The following TTC33 variants were observed in gnomAD, a reference collection of about 807,000 sequenced individuals.
TTC33 encodes tetratricopeptide repeat domain 33.
Under a neutral mutation model 29.4 loss-of-function variants are expected in TTC33, and 24 were observed. The observed-to-expected ratio is 0.82, with a 90% CI of 0.59 to 1.15. TTC33 has a LOEUF of 1.15. Among genes scored for constraint, TTC33 ranks in the 50% most tolerant of loss-of-function variants. The pLI is 0.00. For missense variants in TTC33, 286 were observed against 310.4 expected, an observed-to-expected ratio of 0.92 and a Z score of 0.59; for synonymous variants, 107 against 100.3, an observed-to-expected ratio of 1.07 and a Z score of -0.40.
rs369956548 is a variant in TTC33, at chr5:40,746,819, G to C, written c.200C>G (p.Ala67Gly). Reference sequence around the variant, plus strand: ...ATACCTTTTATTTTCAGCCAAACTGGCTCCTTCATCCTTCAGCTGTTTACT... The same window carrying C: ...ATACCTTTTATTTTCAGCCAAACTGCCTCCTTCATCCTTCAGCTGTTTACT... The part of the protein sequence containing the change: ...EKSKQLKDEG[A>G]SLAENKRYRE... The change falls in exon 2 of 5, where the codon GCC (alanine) becomes GGC (glycine). Residue 67 changes from alanine (A) to glycine (G), a missense_variant. Transcript: ENST00000337702. 2.0e-5 allele frequency: 32 copies of C among 1,610,824 alleles called. No homozygotes were observed. Among genetic ancestry groups the C allele is most frequent in the Non-Finnish European group, 2.6e-5 (31 of 1,179,102 alleles).
intron 2 of TTC33, among the ~76,000 whole-genome samples, chr5:40,734,872 A>G (rs1742510427): frequency 6.6e-6 from 1 of 152,214 alleles, no homozygotes; most frequent in African/African-American, 2.4e-5. Flanking sequence ...CAGTTAAAAT[A>G]TAAGTGCCGT....
intron 1 of TTC33, among the ~76,000 whole-genome samples, chr5:40,749,249 C>G (rs1742852468): frequency 6.6e-6 from 1 of 152,110 alleles, no homozygotes; most frequent in Non-Finnish European, 1.5e-5. Context: ...AAGAGATTAA[C>G]TGAGGGATCC....
At chr5:40,747,224 AT>A (rs1443572375) in intron 1 of TTC33, among the ~76,000 whole-genome samples, 2 of 151,970 alleles carry the variant, frequency 1.3e-5, no homozygotes, top group East Asian at 3.9e-4. Flanking sequence ...ACACCGGCTA[AT>A]TTTTGTATTT....
chr5:40,733,592 A>G (rs249414), intron 2 of TTC33, among the ~76,000 whole-genome samples: 101,978 of 152,006 alleles, frequency 0.67, 34,367 homozygotes, highest in East Asian at 0.8. Context: ...GGAAGTTATC[A>G]CCCCATAGAA....
At chr5:40,748,938 C>G (rs1480332429) in intron 1 of TTC33, among the ~76,000 whole-genome samples, 1 of 152,054 alleles carries the variant, frequency 6.6e-6, no homozygotes, top group African/African-American at 2.4e-5. Context: ...AGTTTAAGAC[C>G]AGCCTGGCCA....
At position 40,730,261 on chromosome 5, in the gene TTC33, C is replaced by T; in HGVS notation, c.303+1G>A. 6.3e-7 allele frequency: 1 copy of T among 1,592,804 alleles called. No individual in the cohort carries two copies. Among genetic ancestry groups the T allele is most frequent in the Non-Finnish European group, 8.6e-7 (1 of 1,166,246 alleles). The stretch of plus-strand genomic sequence containing the variant: ...AAAGTGAAATTCTTCATAATTATTA[C>T]CTGTGATTTCATCTCGTATAGGGTA... On this transcript the variant is annotated splice_donor_variant, in intron 3 of 4. Transcript: ENST00000337702. LOFTEE classifies it high-confidence loss of function.
At chr5:40,731,847 G>A (rs1579679980) in intron 2 of TTC33, among the ~76,000 whole-genome samples, 1 of 152,208 alleles carries the variant, frequency 6.6e-6, no homozygotes, top group South Asian at 2.1e-4. Flanking sequence ...TCCTCCAGTG[G>A]CTCTAGCCCA....
At chr5:40,753,174 G>A (rs976920325) in intron 1 of TTC33, among the ~76,000 whole-genome samples, 3 of 152,170 alleles carry the variant, frequency 2.0e-5, no homozygotes, top group Non-Finnish European at 4.4e-5. Context: ...AGACAAGCCT[G>A]GCCAACATGG....
At chr5:40,729,992 C>A (rs563352063) in intron 3 of TTC33, among the ~76,000 whole-genome samples, 58 of 152,296 alleles carry the variant, frequency 3.8e-4, no homozygotes, top group African/African-American at 1.3e-3. Flanking sequence ...AGCCATGGCA[C>A]CTGCCCACCA....
At chr5:40,743,101 A>T (rs1742726204) in intron 2 of TTC33, among the ~76,000 whole-genome samples, 1 of 152,220 alleles carries the variant, frequency 6.6e-6, no homozygotes. Context: ...ATAAGTGTAT[A>T]CAGTAACTTC....
In TTC33 at chr5:40,715,112, T is replaced by C. The variant is rs1007140729; in HGVS notation, c.*1033A>G. The C allele has an allele frequency of 1.3e-5, 2 of 152,086 alleles. No homozygotes were observed. The highest frequency in any genetic ancestry group is 1.3e-4 in the Admixed American group (2 of 15,264). 9.4% of individuals were successfully genotyped at this position (152,086 alleles called of 1,614,324 possible). ...TGTATTTTGTGCTTAAGTTATTTAT[T>C]CATTGGCACTCTAATAACAGCCCTA... On this transcript the variant is annotated 3_prime_UTR_variant, in exon 5 of 5. Coordinates refer to ENST00000337702, the MANE Select transcript of TTC33 (RefSeq NM_012382.3).
chr5:40,754,700 C>A lies in TTC33; in HGVS notation c.-2+1124G>T, dbSNP rs112883864. ...ACGATATGTGCTACAAGAGAGTAAA[C>A]AAAGGATGCCATGACATCAGAGAAG... is the stretch of plus-strand genomic sequence containing the variant. On this transcript the variant is annotated intron_variant, in intron 1 of 4. Coordinates refer to ENST00000337702, the MANE Select transcript of TTC33 (RefSeq NM_012382.3). Among the ~76,000 whole-genome samples the A allele has an allele frequency of 7.2e-3, 1,092 of 152,314 alleles. 5 individuals are homozygous for A. Among genetic ancestry groups the A allele is most frequent in the Non-Finnish European group, 0.011 (756 of 68,030 alleles).
At chr5:40,730,433 A>G in intron 2 of TTC33, 90 bp from the exon 3 acceptor site, 2 of 990,944 alleles carry the variant, frequency 2.0e-6, no homozygotes, top group Non-Finnish European at 3.1e-6. Flanking sequence ...AAAATATAAA[A>G]TTTACCATCT....
chr5:40,730,008 T>C (rs1742385784), intron 3 of TTC33, among the ~76,000 whole-genome samples: 1 of 152,186 alleles, frequency 6.6e-6, no homozygotes, highest in Non-Finnish European at 1.5e-5. Flanking sequence ...CACCAGTGAC[T>C]TTAAAAGATA....
At chr5:40,718,206 A>G (rs910942453) in intron 4 of TTC33, among the ~76,000 whole-genome samples, 5 of 151,720 alleles carry the variant, frequency 3.3e-5, no homozygotes, top group Non-Finnish European at 7.4e-5. Context: ...GGATCACTCA[A>G]GACCAGGAGT....
At chr5:40,750,120 A>G (rs537951272) in intron 1 of TTC33, among the ~76,000 whole-genome samples, 1 of 152,108 alleles carries the variant, frequency 6.6e-6, no homozygotes, top group African/African-American at 2.4e-5. Flanking sequence ...GCCTTAATTT[A>G]AAAATATTTT....
chr5:40,746,326 C>A (rs1262812569), intron 2 of TTC33, among the ~76,000 whole-genome samples: 1 of 152,076 alleles, frequency 6.6e-6, no homozygotes, highest in East Asian at 1.9e-4. Context: ...TCCTGTACAG[C>A]AAGTCATATT....
intron 4 of TTC33, among the ~76,000 whole-genome samples, chr5:40,724,248 T>C (rs1045002728): frequency 1.3e-5 from 2 of 152,224 alleles, no homozygotes; most frequent in South Asian, 2.1e-4. Flanking sequence ...GAGGACATTA[T>C]GCTAAGTGAA....
chr5:40,738,547 T>TACAATAAAATAAAATAAAATAAAATAA, intron 2 of TTC33, among the ~76,000 whole-genome samples: 1 of 125,138 alleles, frequency 8.0e-6, no homozygotes, highest in African/African-American at 3.0e-5. Context: ...TACAATAAAA[T>TACAATAAAATAAAATAAAATAAAATAA]AAAATAAAAT....
Sources: gnomAD v4.1 joint callset for allele counts (sites outside exome capture counted in the v4.1 genomes callset) on GRCh38, gnomAD v4.1.1 for gene constraint, MANE v1.5 for transcripts, NCBI Gene and HGNC (gene_info 2026-07-23, HGNC 2026-07-21) for gene names.